Variants in CELF2 observed in about 807,000 individuals in gnomAD.
The protein encoded by CELF2 is CUG triplet repeat RNA-binding protein 2.
A neutral mutation model predicts 62.6 loss-of-function variants in CELF2; 8 were observed. That is an observed-to-expected ratio of 0.13 (90% CI 0.07 to 0.23). The LOEUF (loss-of-function observed/expected upper bound fraction) is 0.23, where lower values mean the gene tolerates loss of function less well. Ranked by LOEUF, CELF2 falls within the 10% of genes least tolerant of loss-of-function variation. CELF2 has a pLI of 1.00. For missense variants in CELF2, 333 were observed against 671.0 expected (o/e 0.50, Z 5.56); for synonymous variants, 258 against 250.0 (o/e 1.03, Z -0.30).
At chr10:10,694,512 T>C in the CELF2 span, among the ~76,000 whole-genome samples, 44 of 152,204 alleles carry the variant, frequency 2.9e-4, no homozygotes, top group Non-Finnish European at 4.9e-4. Flanking sequence ...GAGAGTTCTG[T>C]AGATGTCTAC....
the CELF2 span, among the ~76,000 whole-genome samples, chr10:10,599,725 C>CT: frequency 0.075 from 10,020 of 134,470 alleles, 435 homozygotes; most frequent in East Asian, 0.15. Flanking sequence ...TTCTTTCTTT[C>CT]TTTTTTTTTT....
chr10:10,703,269 G>A, the CELF2 span, among the ~76,000 whole-genome samples: 58 of 152,280 alleles, frequency 3.8e-4, no homozygotes, highest in Non-Finnish European at 4.3e-4. Context: ...TTACAGATGA[G>A]GAAACCTGAG....
intron 1 of CELF2, among the ~76,000 whole-genome samples, chr10:11,104,355 A>G (rs901527147): frequency 6.6e-6 from 1 of 152,202 alleles, no homozygotes; most frequent in Non-Finnish European, 1.5e-5. Context: ...GATGAAATTG[A>G]CCTTATGAAC....
chr10:11,189,949 T>A (rs1010183057), intron 2 of CELF2, among the ~76,000 whole-genome samples: 2 of 152,248 alleles, frequency 1.3e-5, no homozygotes, highest in Non-Finnish European at 2.9e-5. Flanking sequence ...TCCTACAGAT[T>A]TGTTAACTGG....
chr10:11,088,870 T>C (rs1291813), intron 1 of CELF2, among the ~76,000 whole-genome samples: 69,370 of 151,942 alleles, frequency 0.46, 18,155 homozygotes, highest in African/African-American at 0.72. Flanking sequence ...TCTGGAGGTG[T>C]CCTCGCTAGC....
intron 2 of CELF2, among the ~76,000 whole-genome samples, chr10:11,201,614 T>A (rs1457004761): frequency 6.6e-6 from 1 of 152,168 alleles, no homozygotes; most frequent in African/African-American, 2.4e-5. Flanking sequence ...TCTGTTCCAG[T>A]GTTGGCCCTG....
intron 1 of CELF2, among the ~76,000 whole-genome samples, chr10:11,123,325 A>C (rs919313899): frequency 6.6e-6 from 1 of 152,046 alleles, no homozygotes; most frequent in Non-Finnish European, 1.5e-5. Flanking sequence ...ATCCTAGCTC[A>C]CTGCAGCCTC....
intron 1 of CELF2, among the ~76,000 whole-genome samples, chr10:10,916,824 G>A (rs1242396998): frequency 6.6e-6 from 1 of 152,042 alleles, no homozygotes; most frequent in East Asian, 1.9e-4. Context: ...CATTGGTCAG[G>A]CTGGTCTCGA....
chr10:11,197,062 G>GGAAAGA (rs1565233935), intron 2 of CELF2, among the ~76,000 whole-genome samples: 3 of 103,096 alleles, frequency 2.9e-5, no homozygotes, highest in African/African-American at 8.7e-5. Flanking sequence ...AGAAAGAAAA[G>GGAAAGA]AAAGAAAGGA....
At chr10:11,208,452 A>G (rs538094327) in intron 2 of CELF2, among the ~76,000 whole-genome samples, 1 of 152,350 alleles carries the variant, frequency 6.6e-6, no homozygotes, top group East Asian at 1.9e-4. Flanking sequence ...TCAGCCATGT[A>G]GTAATGTGAT....
At chr10:11,097,490 G>T (rs551145389) in intron 1 of CELF2, 1 of 152,258 alleles carries the variant, frequency 6.6e-6, no homozygotes, top group East Asian at 1.9e-4. Flanking sequence ...CCAATGATAG[G>T]ACCTTTCGAT....
At chr10:10,973,760 A>G (rs2051022744) in intron 2 of CELF2, among the ~76,000 whole-genome samples, 2 of 151,988 alleles carry the variant, frequency 1.3e-5, no homozygotes, top group Admixed American at 6.6e-5. Context: ...TAGAGATGAC[A>G]TCTCATTCTG....
At chr10:10,959,568 G>A (rs1342983378) in intron 2 of CELF2, among the ~76,000 whole-genome samples, 2 of 152,216 alleles carry the variant, frequency 1.3e-5, no homozygotes, top group African/African-American at 2.4e-5. Context: ...TGTCCACCAT[G>A]GAAAACCAAA....
chr10:10,659,568 C>G, the CELF2 span, among the ~76,000 whole-genome samples: 2 of 152,130 alleles, frequency 1.3e-5, no homozygotes, highest in Non-Finnish European at 2.9e-5. Context: ...GGTGAATTTT[C>G]TAGTTCATAC....
At chr10:10,539,250 G>C in the CELF2 span, among the ~76,000 whole-genome samples, 4 of 152,158 alleles carry the variant, frequency 2.6e-5, no homozygotes, top group Non-Finnish European at 5.9e-5. Flanking sequence ...ATATTCTATG[G>C]GCTTTCAGTA....
chr10:11,216,698 G>A (rs546957826), intron 2 of CELF2, among the ~76,000 whole-genome samples: 16 of 152,338 alleles, frequency 1.1e-4, no homozygotes, highest in South Asian at 2.1e-4. Flanking sequence ...TGGCCTGCGC[G>A]GAAGGGCCGG....
intron 9 of CELF2, among the ~76,000 whole-genome samples, chr10:11,301,060 G>C (rs1354722593): frequency 1.3e-5 from 2 of 152,142 alleles, no homozygotes; most frequent in East Asian, 3.8e-4. Flanking sequence ...GCCAGTTTCT[G>C]GGACAGACTT....
Position 11,165,752 on chromosome 10 carries a change from C to A in CELF2, c.271+70C>A. ...CGCGGGGCACTGGGGCTGTCCGAGC[C>A]CCCAGCCTGCAGGAGGAAGGGCGGG... On this transcript the variant is annotated intron_variant, in intron 2 of 12. Coordinates refer to ENST00000633077, the MANE Select transcript of CELF2 (RefSeq NM_001326342.2). This position sits in a 1 kb window ranked among gnomAD's most constrained non-coding sequence, Gnocchi z 7.4. The A allele has an allele frequency of 7.0e-7, 1 of 1,420,442 alleles. No homozygotes were observed. Among genetic ancestry groups the A allele is most frequent in the Non-Finnish European group, 9.5e-7 (1 of 1,053,110 alleles). The allele number at this position is 1,420,442 out of a possible 1,614,324, so 88.0% of individuals were successfully genotyped here.
At chr10:11,113,640 C>A (rs2055804212) in intron 1 of CELF2, among the ~76,000 whole-genome samples, 1 of 152,102 alleles carries the variant, frequency 6.6e-6, no homozygotes, top group Non-Finnish European at 1.5e-5. Context: ...AGCAAGTATT[C>A]CTTAAATTGG....
Sources: allele counts gnomAD v4.1 joint callset (sites outside exome capture counted in the v4.1 genomes callset), GRCh38; gene constraint gnomAD v4.1.1; non-coding constraint Gnocchi (gnomAD v3.1); transcripts MANE v1.5; gene names NCBI Gene and HGNC (gene_info 2026-07-23, HGNC 2026-07-21).